SLC8A2: variants seen among roughly 807,000 people sequenced by gnomAD.
SLC8A2 encodes sodium/calcium exchanger 2.
Under a neutral mutation model 70.2 loss-of-function variants are expected in SLC8A2, and 14 were observed. The observed-to-expected ratio is 0.20, with a 90% CI of 0.13 to 0.31. SLC8A2 has a LOEUF of 0.31. SLC8A2 is among the 10% of genes least tolerant of loss of function. The pLI, the probability that SLC8A2 is intolerant of heterozygous loss-of-function variation, is 1.00. For missense variants in SLC8A2, 779 were observed against 1,320.1 expected (o/e 0.59, Z 6.35); for synonymous variants, 575 against 594.3 (o/e 0.97, Z 0.47).
chr19:47,456,522 C>T lies in SLC8A2; in HGVS notation c.1340+408G>A, dbSNP rs142453761. Among the ~76,000 whole-genome samples the T allele has an allele frequency of 7.7e-4, 117 of 152,230 alleles. No homozygotes were observed. In the East Asian group the frequency reaches 0.012, roughly 16 times the overall value. ...CTCTACTAAAAGTACAAAAATAAGCCGGGTGTGGTGGCACACACCTATAAT... is the reference window on the plus strand; with the variant it reads ...CTCTACTAAAAGTACAAAAATAAGCTGGGTGTGGTGGCACACACCTATAAT... On this transcript the variant is annotated intron_variant, in intron 3 of 9. Transcript: ENST00000236877.
rs767375450 is a variant in SLC8A2 at position 47,462,646 on chromosome 19, G to A, written c.675+3083C>T. 1.2e-3 allele frequency among the ~76,000 whole-genome samples: 184 copies of A among 147,508 alleles called. 1 individual carries two copies. Among genetic ancestry groups the A allele is most frequent in the Non-Finnish European group, 1.5e-3 (99 of 67,406 alleles). On this transcript the variant is annotated intron_variant, in intron 2 of 9. Transcript: ENST00000236877. ...TCTGTCACCCAGGCTGGAGTGCAGC[G>A]GCTCAATCTCAGCTCACTGCAAACT...
At position 47,432,981 on chromosome 19, in the gene SLC8A2, G is replaced by C. The variant is rs1363726695; in HGVS notation, c.2111-536C>G. On this transcript the variant is annotated intron_variant, in intron 8 of 9. Transcript: ENST00000236877. This position sits in a 1 kb window ranked among gnomAD's most constrained non-coding sequence, Gnocchi z 6.2. ...ATCCCTTGAAGCTAGGAGCATGAATGGACCCAGGTGAAAAATATTTAGTTT... is the reference window on the plus strand; with the variant it reads ...ATCCCTTGAAGCTAGGAGCATGAATCGACCCAGGTGAAAAATATTTAGTTT... Among the ~76,000 whole-genome samples, 1 of 151,886 alleles carries C rather than the reference G, an allele frequency of 6.6e-6. No individual in the cohort carries two copies. Among genetic ancestry groups the C allele is most frequent in the Non-Finnish European group, 1.5e-5 (1 of 68,004 alleles).
chr19:47,454,685 G>C (rs1404400092), intron 3 of SLC8A2, among the ~76,000 whole-genome samples: 2 of 152,174 alleles, frequency 1.3e-5, no homozygotes, highest in Non-Finnish European at 2.9e-5. Context: ...TGGAGGGAAA[G>C]ACCTGCAAAT....
intron 4 of SLC8A2, among the ~76,000 whole-genome samples, chr19:47,442,217 A>C (rs1223601607): frequency 6.6e-6 from 1 of 152,186 alleles, no homozygotes; most frequent in Non-Finnish European, 1.5e-5. Context: ...CAGCCCAGCC[A>C]CTATGGTCTC....
intron 8 of SLC8A2, among the ~76,000 whole-genome samples, chr19:47,436,272 G>A (rs555102226): frequency 2.8e-4 from 43 of 152,248 alleles, no homozygotes; most frequent in African/African-American, 1.0e-3. Context: ...GCTTTCCTCC[G>A]GGTCTCCCAT....
At chr19:47,469,432 A>G (rs1967505597) in intron 1 of SLC8A2, among the ~76,000 whole-genome samples, 1 of 152,136 alleles carries the variant, frequency 6.6e-6, no homozygotes, top group Non-Finnish European at 1.5e-5. Flanking sequence ...CGGCCTGGGA[A>G]GTCCTCCCTC....
In SLC8A2 at chr19:47,428,677, T is replaced by G. The variant is rs1300746064; in HGVS notation, c.*1412A>C. ...ACGGGACTGTTTTTCAGGCAGAATT[T>G]CAAAGTTTTATGGCAACTTTTACAG... On this transcript the variant is annotated 3_prime_UTR_variant, in exon 10 of 10. Transcript: ENST00000236877. 2 of 152,596 alleles carry G rather than the reference T, an allele frequency of 1.3e-5. No individual in the cohort carries two copies. The highest frequency in any genetic ancestry group is 2.9e-5 in the Non-Finnish European group (2 of 68,038). The allele number at this position is 152,596 out of a possible 1,614,324, so 9.5% of individuals were successfully genotyped here.
chr19:47,434,741 G>A (rs1210555101), intron 8 of SLC8A2, among the ~76,000 whole-genome samples: 4 of 152,198 alleles, frequency 2.6e-5, no homozygotes, highest in African/African-American at 9.6e-5. Flanking sequence ...AGGGAGTGAG[G>A]ACTACCCTTC....
chr19:47,456,335 A>G (rs998777347), intron 3 of SLC8A2, among the ~76,000 whole-genome samples: 2 of 152,186 alleles, frequency 1.3e-5, no homozygotes, highest in African/African-American at 2.4e-5. Context: ...TAATGTTCCT[A>G]TGCACATGAG....
intron 4 of SLC8A2, among the ~76,000 whole-genome samples, chr19:47,446,852 TC>T (rs1459545245): frequency 1.0e-5 from 1 of 97,854 alleles, no homozygotes; most frequent in Admixed American, 1.2e-4. Context: ...GCCGTGTGTG[TC>T]TATGTGTGTG....
In SLC8A2 at chr19:47,457,322, G is replaced by T; in HGVS notation, c.948C>A (p.Ile316=). 1 of 1,543,864 alleles carries T rather than the reference G, an allele frequency of 6.5e-7. No individual in the cohort carries two copies. The highest frequency in any genetic ancestry group is 8.7e-7 in the Non-Finnish European group (1 of 1,144,662). Residue 316 remains isoleucine (I), a synonymous_variant, in exon 3 of 10, where the codon ATC becomes ATA. Transcript: ENST00000236877. The stretch of plus-strand genomic sequence containing the variant: ...TCTGCTTGAGGTCCTTGAGGATCTG[G>T]ATGACCTCGCGGCGGCTGGCGTCCA... ...RELDASRREV[I]QILKDLKQKH... is the part of the protein sequence containing the mutation.
At chr19:47,436,590 A>G (rs992779488) in intron 8 of SLC8A2, among the ~76,000 whole-genome samples, 2 of 152,142 alleles carry the variant, frequency 1.3e-5, no homozygotes, top group Non-Finnish European at 2.9e-5. Flanking sequence ...AATTCCATGT[A>G]CGCCTTCAGT....
At chr19:47,451,094 C>T (rs1036249447) in intron 3 of SLC8A2, among the ~76,000 whole-genome samples, 3 of 150,044 alleles carry the variant, frequency 2.0e-5, no homozygotes, top group Admixed American at 6.7e-5. Flanking sequence ...CTGCAACCTC[C>T]GCCTCTTGGG....
At chr19:47,452,740 AC>A (rs1967259763) in intron 3 of SLC8A2, among the ~76,000 whole-genome samples, 1 of 152,092 alleles carries the variant, frequency 6.6e-6, no homozygotes, top group East Asian at 1.9e-4. Flanking sequence ...GGATTAGAAT[AC>A]CAAAATGTTG....
chr19:47,439,603 C>CT (rs1555747516), intron 6 of SLC8A2, among the ~76,000 whole-genome samples: 4 of 68,548 alleles, frequency 5.8e-5, no homozygotes, highest in African/African-American at 2.5e-4. Context: ...TCTCTTCTCC[C>CT]TCCTTCCTTC....
chr19:47,452,437 AGAGAGAGAGTGTGTGTGT>A (rs1967252440), intron 3 of SLC8A2, among the ~76,000 whole-genome samples: 6 of 87,322 alleles, frequency 6.9e-5, no homozygotes, highest in East Asian at 3.3e-4. Context: ...AGAGAGAGAG[AGAGAGAGAGTGTGTGTGT>A]GTGTGTGTGT....
chr19:47,448,213 G>A lies in SLC8A2; in HGVS notation c.1359C>T (p.Phe453=). 1 of 1,600,226 alleles carries A rather than the reference G, an allele frequency of 6.2e-7. No homozygotes were observed. The highest frequency in any genetic ancestry group is 1.1e-5 in the South Asian group (1 of 90,328). ...GCTCCTTCTGCGTCTCGCCTGGTTT[G>A]AACACCAGCGTGCCCTCGCTGCGGC... ...DYEYSEGTLV[F]KPGETQKELR... The change falls in exon 4 of 10, where the codon TTC becomes TTT. Residue 453 remains phenylalanine, a synonymous_variant. Transcript: ENST00000236877. This position sits in a 1 kb window ranked among gnomAD's most constrained non-coding sequence, Gnocchi z 4.8.
At chr19:47,438,337 T>G (rs144447441) in intron 6 of SLC8A2, among the ~76,000 whole-genome samples, 193 of 152,270 alleles carry the variant, frequency 1.3e-3, no homozygotes, top group African/African-American at 4.4e-3. Context: ...TCGTGTGAAG[T>G]GCTTAGAACA....
chr19:47,448,161 TGTC>T lies in SLC8A2; in HGVS notation c.1408_1410del (p.Asp470del). Reference sequence around the variant, plus strand: ...AAGAAATGCTCGTCCTCCTCGAAGATGTCGTCGTCGATGATGCCGATGCGCAGC... The same window carrying T: ...AAGAAATGCTCGTCCTCCTCGAAGATGTCGTCGATGATGCCGATGCGCAGC... On this transcript the variant is annotated inframe_deletion, in exon 4 of 10. Coordinates refer to ENST00000236877, the MANE Select transcript of SLC8A2 (RefSeq NM_015063.3). This position sits in a 1 kb window ranked among gnomAD's most constrained non-coding sequence, Gnocchi z 4.8. The T allele has an allele frequency of 1.2e-6, 2 of 1,612,468 alleles. No individual in the cohort carries two copies. The highest frequency in any genetic ancestry group is 1.7e-6 in the Non-Finnish European group (2 of 1,179,326).
Sources: allele counts gnomAD v4.1 joint callset (sites outside exome capture counted in the v4.1 genomes callset), GRCh38; gene constraint gnomAD v4.1.1; non-coding constraint Gnocchi (gnomAD v3.1); transcripts MANE v1.5; gene names NCBI Gene and HGNC (gene_info 2026-07-23, HGNC 2026-07-21).